ECM2: variants seen among roughly 807,000 people sequenced by gnomAD.
ECM2 encodes extracellular matrix protein 2.
Under a neutral mutation model 67.5 loss-of-function variants are expected in ECM2, and 57 were observed. The observed-to-expected ratio is 0.84, with a 90% confidence interval of 0.68 to 1.05. The LOEUF (loss-of-function observed/expected upper bound fraction) is 1.05. Ranked by LOEUF, ECM2 falls within the 50% of genes least tolerant of loss-of-function variation. The probability of loss-of-function intolerance (pLI) is 0.00; values close to 1 mark genes in which losing one functional copy is unlikely to be tolerated. For missense variants in ECM2, 741 were observed against 822.8 expected (o/e 0.90, Z 1.22); for synonymous variants, 258 against 294.5 (o/e 0.88, Z 1.27).
In ECM2 at chr9:92,514,681, G is replaced by T; in HGVS notation, c.1004C>A (p.Thr335Asn). The change falls in exon 4 of 10, where the codon ACC becomes AAC. Residue 335 changes from threonine to asparagine, a missense_variant. Thr to Asn is a moderately conservative substitution (Grantham distance 65). Coordinates refer to ENST00000344604, the MANE Select transcript of ECM2 (RefSeq NM_001393.4). Reference protein sequence around the residue: ...RTISCINAMLTQIPPLTAPQI... With the variant: ...RTISCINAMLNQIPPLTAPQI... Reference sequence around the variant, plus strand: ...TGGTGCTGTCAGCGGTGGTATCTGGGTAAGCATGGCGTTGATGCAGCTGAT... The same window carrying T: ...TGGTGCTGTCAGCGGTGGTATCTGGTTAAGCATGGCGTTGATGCAGCTGAT... 6.2e-7 allele frequency: 1 copy of T among 1,609,460 alleles called. No homozygotes were observed.
chr9:92,496,157 G>A lies in ECM2; in HGVS notation c.*158C>T. On this transcript the variant is annotated 3_prime_UTR_variant, in exon 10 of 10. Coordinates refer to ENST00000344604, the MANE Select transcript of ECM2 (RefSeq NM_001393.4). ...AACTCCTAGAGACTATACCTTTTAG[G>A]TATATTTTGGTTGTTCATCTGTGTG... The A allele has an allele frequency of 7.5e-7, 1 of 1,336,176 alleles. No individual in the cohort carries two copies. The highest frequency in any genetic ancestry group is 1.5e-5 in the African/African-American group (1 of 65,396). The allele number at this position is 1,336,176 out of a possible 1,614,324, so 82.8% of individuals were successfully genotyped here. A position where few individuals can be genotyped will look rare whatever the true frequency, so the allele number is the denominator to read the frequency against.
At chr9:92,543,471 C>CAAAA in the ECM2 span, among the ~76,000 whole-genome samples, 5 of 44,530 alleles carry the variant, frequency 1.1e-4, no homozygotes, top group African/African-American at 1.9e-4. Context: ...AACCCTGTCT[C>CAAAA]AAAAAAAAAA....
chr9:92,546,544 A>G, the ECM2 span, among the ~76,000 whole-genome samples: 1 of 152,132 alleles, frequency 6.6e-6, no homozygotes, highest in Non-Finnish European at 1.5e-5. Context: ...AGTCAACGCC[A>G]AGGTCTGCAG....
chr9:92,552,330 AATG>A, the ECM2 span, among the ~76,000 whole-genome samples: 4 of 151,992 alleles, frequency 2.6e-5, no homozygotes, highest in African/African-American at 4.8e-5. Context: ...TTTTTCGAAT[AATG>A]ATTTATTTTC....
downstream of ECM2, chr9:92,495,304 G>T (rs1223787897): frequency 3.6e-6 from 3 of 837,810 alleles, no homozygotes; most frequent in East Asian, 1.2e-4. Context: ...GCAATACAAA[G>T]ATAAAAATCA....
intron 6 of ECM2, among the ~76,000 whole-genome samples, chr9:92,505,932 T>G (rs959961126): frequency 6.6e-6 from 1 of 152,060 alleles, no homozygotes; most frequent in African/African-American, 2.4e-5. Context: ...ATCATTGAAA[T>G]GCTAGGTGCT....
chr9:92,509,839 A>G (rs1847227814), intron 6 of ECM2, 60 bp downstream of exon 6: 1 of 1,493,530 alleles, frequency 6.7e-7, no homozygotes, highest in Non-Finnish European at 8.9e-7. Context: ...TAAAATTTCT[A>G]CAGGACTATA....
At position 92,512,137 on chromosome 9, in the gene ECM2, C is replaced by A. The variant is rs374663122; in HGVS notation, c.1055-11G>T. 1 of 1,600,980 alleles carries A rather than the reference C, an allele frequency of 6.2e-7. No homozygotes were observed. ...AGGCGATGGAATTGCCTAGGACACACAGCGGTTATGTTTTAGGCATGTGTG... is the reference window on the plus strand; with the variant it reads ...AGGCGATGGAATTGCCTAGGACACAAAGCGGTTATGTTTTAGGCATGTGTG... On this transcript the variant is annotated splice_polypyrimidine_tract_variant and intron_variant, in intron 4 of 9. Coordinates refer to ENST00000344604, the MANE Select transcript of ECM2 (RefSeq NM_001393.4).
At chr9:92,548,139 G>A in the ECM2 span, among the ~76,000 whole-genome samples, 1 of 152,162 alleles carries the variant, frequency 6.6e-6, no homozygotes, top group African/African-American at 2.4e-5. Flanking sequence ...CCAGATTGCT[G>A]CTGCATGTGT....
At chr9:92,502,989 G>A (rs779448767) in intron 7 of ECM2, among the ~76,000 whole-genome samples, 2 of 151,554 alleles carry the variant, frequency 1.3e-5, no homozygotes, top group Non-Finnish European at 2.9e-5. Context: ...TGTATTTTTT[G>A]TAGAGACAGG....
chr9:92,540,885 G>C (rs758869343), upstream of ECM2, among the ~76,000 whole-genome samples: 5 of 152,060 alleles, frequency 3.3e-5, no homozygotes, highest in Admixed American at 2.0e-4. Flanking sequence ...AAATATTAAA[G>C]AGCAAAAATA....
Position 92,514,778 on chromosome 9 carries a change from G to A in ECM2, c.907C>T (p.Arg303Ter), listed in dbSNP as rs764812951. ...CTGGGAGGAGCAGGAAGCGGGGATC[G>A]AGAGGGCATTCGGAACATATCTCCT... is the stretch of plus-strand genomic sequence containing the variant. Reference protein sequence around the residue: ...VRGDMFRMPSRSPLPAPPRGT... With the variant: ...VRGDMFRMPS The change falls in exon 4 of 10, where the codon CGA (arginine) becomes TGA (stop). Residue 303 changes from arginine (R) to a stop codon, truncating the protein, a stop_gained. Transcript: ENST00000344604. LOFTEE classifies it high-confidence loss of function. The A allele has an allele frequency of 1.2e-5, 20 of 1,613,890 alleles. No homozygotes were observed. The highest frequency in any genetic ancestry group is 2.2e-5 in the South Asian group (2 of 91,076).
chr9:92,546,613 C>T, the ECM2 span, among the ~76,000 whole-genome samples: 65,094 of 151,826 alleles, frequency 0.43, 16,546 homozygotes, highest in African/African-American at 0.71. Flanking sequence ...TCCGAACACA[C>T]TGGAACACCA....
chr9:92,508,456 G>A (rs1478697153), intron 6 of ECM2, among the ~76,000 whole-genome samples: 1 of 152,230 alleles, frequency 6.6e-6, no homozygotes, highest in East Asian at 1.9e-4. Context: ...AGGGGTGTGT[G>A]AAAGCACGTT....
At position 92,522,839 on chromosome 9, in the gene ECM2, A is replaced by G. The variant is rs548855269; in HGVS notation, c.28T>C (p.Phe10Leu). MKIAVLFCFFLLIIFQTDFG... is the reference protein window; with the variant it reads MKIAVLFCFLLLIIFQTDFG... ...TCAGTTTGAAAAATGATAAGCAGAA[A>G]AAAACAAAACAAAACTGCAATCTTC... Residue 10 changes from phenylalanine to leucine, a missense_variant, in exon 2 of 10, where the codon TTT becomes CTT. Physicochemically the swap from Phe to Leu is conservative, Grantham distance 22 (BLOSUM62 0). Transcript: ENST00000344604. 25 of 1,608,472 alleles carry G rather than the reference A, an allele frequency of 1.6e-5. No homozygotes were observed. The highest frequency in any genetic ancestry group is 1.3e-5 in the African/African-American group (1 of 74,818).
intron 7 of ECM2, 94 bp from the exon 8 acceptor site, chr9:92,502,746 T>G: frequency 9.2e-7 from 1 of 1,090,562 alleles, no homozygotes. Flanking sequence ...ACTATTATCA[T>G]TAGTATTATC....
chr9:92,507,295 A>G (rs1021955210), intron 6 of ECM2, among the ~76,000 whole-genome samples: 1 of 152,224 alleles, frequency 6.6e-6, no homozygotes, highest in African/African-American at 2.4e-5. Flanking sequence ...CCAAAACTAA[A>G]GGTACTGAGA....
chr9:92,512,475 A>C (rs931591849), intron 4 of ECM2, among the ~76,000 whole-genome samples: 1 of 152,138 alleles, frequency 6.6e-6, no homozygotes, highest in Admixed American at 6.5e-5. Context: ...ACAGAAACTG[A>C]TTTTTATTCT....
chr9:92,508,686 C>T (rs1234875078), intron 6 of ECM2, among the ~76,000 whole-genome samples: 5 of 152,128 alleles, frequency 3.3e-5, no homozygotes, highest in African/African-American at 1.2e-4. Context: ...GTCCTGAAAT[C>T]CATCTGGAAA....
Sources: allele counts gnomAD v4.1 joint callset (sites outside exome capture counted in the v4.1 genomes callset), GRCh38; gene constraint gnomAD v4.1.1; transcripts MANE v1.5; gene names NCBI Gene and HGNC (gene_info 2026-07-23, HGNC 2026-07-21).